VSIG1: variants seen among roughly 807,000 people sequenced by gnomAD.
VSIG1 encodes V-set and immunoglobulin domain containing 1.
In VSIG1, 11 loss-of-function variants were observed where a neutral mutation model predicts 20.1. That is an observed-to-expected ratio of 0.55 (90% CI 0.34 to 0.91). The LOEUF is 0.91. Ranked by LOEUF, VSIG1 falls within the 40% of genes least tolerant of loss-of-function variation. VSIG1 has a pLI of 0.02. For synonymous variants in VSIG1, 126 were observed against 116.7 expected (o/e 1.08, Z -0.52); for missense variants, 283 against 298.8 (o/e 0.95, Z 0.39).
chrX:108,043,273 T>C, upstream of VSIG1, among the ~76,000 whole-genome samples: 1 of 112,286 alleles, frequency 8.9e-6, no homozygotes. Flanking sequence ...CTAGATTATG[T>C]GCTACATGCC....
intron 5 of VSIG1, among the ~76,000 whole-genome samples, chrX:108,074,355 G>A (rs2031312368): frequency 1.8e-5 from 2 of 111,339 alleles, no homozygotes; most frequent in Non-Finnish European, 3.8e-5. Context: ...CTTCTCAGAG[G>A]TACAATCATA....
the VSIG1 span, among the ~76,000 whole-genome samples, chrX:108,037,690 T>A: frequency 8.9e-6 from 1 of 112,534 alleles, no homozygotes; most frequent in Non-Finnish European, 1.9e-5. Context: ...TCCAAATGGA[T>A]TAAATCCAAA....
the VSIG1 span, among the ~76,000 whole-genome samples, chrX:108,039,369 T>C: frequency 9.6e-6 from 1 of 104,339 alleles, no homozygotes; most frequent in Non-Finnish European, 1.9e-5. Context: ...TCTTTTTGTA[T>C]TTTTTGTAGA....
the VSIG1 span, among the ~76,000 whole-genome samples, chrX:108,026,105 A>G: frequency 8.9e-6 from 1 of 112,011 alleles, no homozygotes; most frequent in African/African-American, 3.2e-5. Context: ...GTTATGAATC[A>G]TAACCTGCAA....
In VSIG1 at chrX:108,075,323, G is replaced by A. The variant is rs779408614; in HGVS notation, c.689-754G>A. 8.9e-5 allele frequency among the ~76,000 whole-genome samples: 10 copies of A among 112,415 alleles called. No homozygotes were observed. In the East Asian group the frequency reaches 2.5e-3, roughly 28 times the overall value. On this transcript the variant is annotated intron_variant, in intron 5 of 6. Coordinates refer to ENST00000217957, the MANE Select transcript of VSIG1 (RefSeq NM_182607.5). ...GGTTGCCTTTCGTGAATGGGACTCAGAAACGGGAAGGAGTCGGGCAGGGAA... is the reference window on the plus strand; with the variant it reads ...GGTTGCCTTTCGTGAATGGGACTCAAAAACGGGAAGGAGTCGGGCAGGGAA...
At chrX:108,047,893 T>TATATATAC (rs2030651655) in intron 1 of VSIG1, among the ~76,000 whole-genome samples, 20 of 16,431 alleles carry the variant, frequency 1.2e-3, no homozygotes, top group African/African-American at 7.7e-3. Context: ...TATACACACA[T>TATATATAC]ATATATATAT....
rs931416567 is a variant in VSIG1 at position 108,078,148 on chromosome X, T to A, written c.*767T>A. The A allele has an allele frequency of 2.1e-4, 24 of 112,414 alleles. No homozygotes were observed. Among genetic ancestry groups the A allele is most frequent in the African/African-American group, 7.8e-4 (24 of 30,922 alleles). 9.3% of individuals were successfully genotyped at this position (112,414 alleles called of 1,213,427 possible). A position where few individuals can be genotyped will look rare whatever the true frequency, so the allele number is the denominator to read the frequency against. On this transcript the variant is annotated 3_prime_UTR_variant, in exon 7 of 7. Transcript: ENST00000217957. Reference sequence around the variant, plus strand: ...AATTCATCAGCATTATCTCATAGATTGGAAAATTTTCTCCAAATACAATAG... The same window carrying A: ...AATTCATCAGCATTATCTCATAGATAGGAAAATTTTCTCCAAATACAATAG...
chrX:108,076,420 T>C (rs776360990), intron 6 of VSIG1, among the ~76,000 whole-genome samples: 9 of 112,450 alleles, frequency 8.0e-5, no homozygotes, highest in Non-Finnish European at 1.1e-4. Context: ...GCACTTTATG[T>C]ACATCAACTC....
the VSIG1 span, among the ~76,000 whole-genome samples, chrX:108,032,284 AAT>A: frequency 1.8e-5 from 2 of 112,490 alleles, no homozygotes; most frequent in South Asian, 7.3e-4. Context: ...AAATGGAATG[AAT>A]ATATGTTTAC....
rs188359559 is a variant in VSIG1 at position 108,045,355 on chromosome X, T to C, written c.49+176T>C. ...AGCAAACATATGCCATGCTGATATA[T>C]TAGGGGTGTAAGCCCATAATATTAT... On this transcript the variant is annotated intron_variant, in intron 1 of 6. Transcript: ENST00000217957. 1.8e-3 allele frequency among the ~76,000 whole-genome samples: 207 copies of C among 112,557 alleles called. 2 individuals carry two copies. The highest frequency in any genetic ancestry group is 6.4e-3 in the African/African-American group (200 of 31,033).
At chrX:108,047,923 T>C (rs7888125) in intron 1 of VSIG1, among the ~76,000 whole-genome samples, 1,224 of 17,530 alleles carry the variant, frequency 0.07, 123 homozygotes, top group Middle Eastern at 0.11. Context: ...TATATACACA[T>C]ATATATATAT....
chrX:108,077,266 T>C lies in VSIG1; in HGVS notation c.1049T>C (p.Leu350Pro). Residue 350 changes from leucine to proline, a missense_variant, in exon 7 of 7, where the codon CTG becomes CCG. Physicochemically the swap from Leu to Pro is moderately conservative, Grantham distance 98. Transcript: ENST00000217957. The part of the protein sequence containing the change: ...AVPDLDIELE[L>P]EPETQSELEP... ...CCTGACCTTGACATCGAGCTGGAGC[T>C]GGAGCCAGAAACGCAGTCGGAATTG... 1 of 1,211,662 alleles carries C rather than the reference T, an allele frequency of 8.3e-7. No homozygotes were observed. Among genetic ancestry groups the C allele is most frequent in the South Asian group, 1.8e-5 (1 of 56,980 alleles).
At chrX:108,076,338 C>T in intron 6 of VSIG1, 120 bp downstream of exon 6, 1 of 866,692 alleles carries the variant, frequency 1.2e-6, no homozygotes, top group Non-Finnish European at 1.6e-6. Flanking sequence ...TTTCTGTTTA[C>T]TCTCATTGAA....
At chrX:108,039,088 G>A in the VSIG1 span, among the ~76,000 whole-genome samples, 1 of 111,358 alleles carries the variant, frequency 9.0e-6, no homozygotes. Context: ...CAAATTTAGG[G>A]GCTTATAATT....
intron 1 of VSIG1, among the ~76,000 whole-genome samples, chrX:108,047,977 T>TATACAC (rs2030690214): frequency 1.8e-5 from 1 of 56,212 alleles, no homozygotes; most frequent in African/African-American, 7.5e-5. Flanking sequence ...TATATATATA[T>TATACAC]ATATATATAT....
At chrX:108,047,943 T>TATACAC (rs2030667835) in intron 1 of VSIG1, among the ~76,000 whole-genome samples, 8 of 33,357 alleles carry the variant, frequency 2.4e-4, no homozygotes, top group Admixed American at 4.4e-4. Context: ...TACACATATA[T>TATACAC]ATATATATAT....
intron 1 of VSIG1, among the ~76,000 whole-genome samples, chrX:108,047,264 A>G (rs925835566): frequency 8.9e-6 from 1 of 112,059 alleles, no homozygotes; most frequent in Middle Eastern, 4.6e-3. Flanking sequence ...TACATATTTA[A>G]AATTGATTTT....
chrX:108,019,165 G>A, the VSIG1 span, among the ~76,000 whole-genome samples: 1 of 111,980 alleles, frequency 8.9e-6, no homozygotes, highest in African/African-American at 3.3e-5. Context: ...AGCTGTGATG[G>A]GTTGAGAGGG....
At chrX:108,046,393 T>TA (rs1260532412) in intron 1 of VSIG1, among the ~76,000 whole-genome samples, 1 of 111,408 alleles carries the variant, frequency 9.0e-6, no homozygotes, top group Non-Finnish European at 1.9e-5. Context: ...TAACTTTAGA[T>TA]ATGGAAGTTT....
Sources: allele counts gnomAD v4.1 joint callset (sites outside exome capture counted in the v4.1 genomes callset), GRCh38; gene constraint gnomAD v4.1.1; transcripts MANE v1.5; gene names NCBI Gene and HGNC (gene_info 2026-07-23, HGNC 2026-07-21).